Variants in CDH19 observed in about 807,000 individuals in gnomAD.
CDH19 encodes the protein cadherin 19.
CDH19 carries 67 observed loss-of-function variants against 64.2 expected under a neutral mutation model. The ratio of observed to expected loss-of-function variants is 1.04; its 90% CI spans 0.86 to 1.28. The LOEUF (loss-of-function observed/expected upper bound fraction) is 1.28. Among genes scored for constraint, CDH19 ranks in the 50% most tolerant of loss-of-function variants. CDH19 has a pLI of 0.00. For missense variants in CDH19, 1,030 were observed against 929.0 expected, an observed-to-expected ratio of 1.11 and a Z score of -1.41; for synonymous variants, 346 against 319.3, an observed-to-expected ratio of 1.08 and a Z score of -0.89.
intron 9 of CDH19, among the ~76,000 whole-genome samples, chr18:66,520,286 T>C (rs1323102891): frequency 6.7e-6 from 1 of 150,322 alleles, no homozygotes. Context: ...CCTATCTTTT[T>C]TAAACTCTGG....
chr18:66,534,630 T>C (rs1456426929), intron 8 of CDH19, among the ~76,000 whole-genome samples: 1 of 151,970 alleles, frequency 6.6e-6, no homozygotes, highest in Non-Finnish European at 1.5e-5. Context: ...GGATTCATGA[T>C]TTTAAGGACA....
At chr18:66,530,860 C>T (rs1417573381) in intron 8 of CDH19, among the ~76,000 whole-genome samples, 4 of 152,128 alleles carry the variant, frequency 2.6e-5, no homozygotes, top group African/African-American at 9.7e-5. Context: ...TCCCTCCCAT[C>T]CCAGTGTGTC....
chr18:66,548,574 G>A (rs545104035), intron 5 of CDH19, among the ~76,000 whole-genome samples: 1 of 152,172 alleles, frequency 6.6e-6, no homozygotes, highest in South Asian at 2.1e-4. Context: ...GGTTTTCAAG[G>A]AGAAGTTGAT....
chr18:66,559,747 A>G (rs1280240621), intron 3 of CDH19, among the ~76,000 whole-genome samples: 1 of 151,082 alleles, frequency 6.6e-6, no homozygotes, highest in Non-Finnish European at 1.5e-5. Flanking sequence ...TATAATATAT[A>G]TGAAAAGAAA....
intron 1 of CDH19, among the ~76,000 whole-genome samples, chr18:66,591,011 T>C (rs1988728248): frequency 6.6e-6 from 1 of 151,892 alleles, no homozygotes; most frequent in Non-Finnish European, 1.5e-5. Flanking sequence ...TTTTGTAACA[T>C]TAAGTCAATG....
intron 5 of CDH19, among the ~76,000 whole-genome samples, chr18:66,548,371 G>A (rs1987215462): frequency 1.1e-5 from 1 of 88,486 alleles, no homozygotes; most frequent in East Asian, 2.3e-4. Context: ...GAGGTTCTCA[G>A]CCCAGAGGTG....
At chr18:66,568,752 A>C (rs1988004339) in intron 2 of CDH19, 42 bp from the exon 3 acceptor site, 14 of 1,447,746 alleles carry the variant, frequency 9.7e-6, no homozygotes, top group Non-Finnish European at 1.3e-5. Context: ...CAAACATCTG[A>C]AATGGACAAA....
chr18:66,562,497 G>C (rs1987759993), intron 3 of CDH19, among the ~76,000 whole-genome samples: 1 of 151,976 alleles, frequency 6.6e-6, no homozygotes, highest in Non-Finnish European at 1.5e-5. Context: ...ATACAAATGA[G>C]GCTTAGCTCT....
In CDH19 at chr18:66,579,877, T is replaced by A. The variant is rs181245239; in HGVS notation, c.-112-7561A>T. Among the ~76,000 whole-genome samples the A allele has an allele frequency of 1.9e-3, 284 of 152,082 alleles. 1 individual carries two copies. The highest frequency in any genetic ancestry group is 3.5e-3 in the Non-Finnish European group (235 of 67,934). On this transcript the variant is annotated intron_variant, in intron 1 of 11. Coordinates refer to ENST00000262150, the MANE Select transcript of CDH19 (RefSeq NM_021153.4). ...CTTGTTATATAAAAACACGCCCTAT[T>A]TTTAGTCGTGTATACTTGAAGCATA...
At chr18:66,547,134 T>C (rs1438311625) in intron 5 of CDH19, among the ~76,000 whole-genome samples, 1 of 152,060 alleles carries the variant, frequency 6.6e-6, no homozygotes, top group Non-Finnish European at 1.5e-5. Context: ...ATTGCACTAA[T>C]AGAGACGAAA....
At chr18:66,580,835 T>G (rs1304145218) in intron 1 of CDH19, among the ~76,000 whole-genome samples, 2 of 152,166 alleles carry the variant, frequency 1.3e-5, no homozygotes, top group African/African-American at 4.8e-5. Context: ...TGGCTTTGTT[T>G]ATACTCCTCT....
intron 1 of CDH19, among the ~76,000 whole-genome samples, chr18:66,590,633 T>A (rs1988717688): frequency 6.6e-6 from 1 of 151,990 alleles, no homozygotes; most frequent in Admixed American, 6.6e-5. Context: ...GAAATACTGC[T>A]GGTGAACCCC....
At position 66,552,906 on chromosome 18, in the gene CDH19, GT is replaced by G. The variant is rs1987395397; in HGVS notation, c.610+1498del. Among the ~76,000 whole-genome samples, 2 of 133,036 alleles carry G rather than the reference GT, an allele frequency of 1.5e-5. 1 individual carries two copies. Among genetic ancestry groups the G allele is most frequent in the African/African-American group, 7.0e-5 (2 of 28,420 alleles). 87.3% of individuals were successfully genotyped at this position (133,036 alleles called of 152,430 possible). A position where few individuals can be genotyped will look rare whatever the true frequency, so the allele number is the denominator to read the frequency against. ...CTCTCTTCTGCATTTCTCCACACTG[GT>G]GTTCAGTTATTCTAAGAGTTTCAAC... On this transcript the variant is annotated intron_variant, in intron 4 of 11. Coordinates refer to ENST00000262150, the MANE Select transcript of CDH19 (RefSeq NM_021153.4).
chr18:66,559,773 T>A (rs2144541775), intron 3 of CDH19, among the ~76,000 whole-genome samples: 1 of 151,462 alleles, frequency 6.6e-6, no homozygotes, highest in Middle Eastern at 3.5e-3. Flanking sequence ...TATTCAGGAA[T>A]ATCTAAACAA....
chr18:66,552,449 T>C (rs764687126), intron 4 of CDH19, among the ~76,000 whole-genome samples: 8 of 152,074 alleles, frequency 5.3e-5, no homozygotes, highest in Non-Finnish European at 7.4e-5. Context: ...TGAGGGGATT[T>C]TAGTTGCGGA....
chr18:66,594,280 T>C (rs1163804988), intron 1 of CDH19, among the ~76,000 whole-genome samples: 2 of 152,110 alleles, frequency 1.3e-5, no homozygotes, highest in East Asian at 3.9e-4. Flanking sequence ...ATTGAAGACC[T>C]ACGAAGAAAC....
At chr18:66,526,646 T>C (rs1313827749) in intron 9 of CDH19, among the ~76,000 whole-genome samples, 1 of 152,092 alleles carries the variant, frequency 6.6e-6, no homozygotes, top group African/African-American at 2.4e-5. Flanking sequence ...TTAAATGCCT[T>C]GAATATTATC....
Position 66,544,124 on chromosome 18 carries a change from G to A in CDH19, c.1061C>T (p.Thr354Ile), listed in dbSNP as rs1598999215. The A allele has an allele frequency of 1.9e-6, 3 of 1,613,976 alleles. No individual in the cohort carries two copies. Among genetic ancestry groups the A allele is most frequent in the Non-Finnish European group, 2.5e-6 (3 of 1,179,924 alleles). ...QLMKYHTEAS[T>I]TFIKIQVEDV... ...TTCCACCTGGATCTTAATGAAAGTG[G>A]TGGAAGCCTCAGTGTGGTACTTCAT... The change falls in exon 7 of 12, where the codon ACC becomes ATC. Residue 354 changes from threonine to isoleucine, a missense_variant. Coordinates refer to ENST00000262150, the MANE Select transcript of CDH19 (RefSeq NM_021153.4).
intron 5 of CDH19, among the ~76,000 whole-genome samples, chr18:66,545,359 A>C (rs1239666069): frequency 6.6e-6 from 1 of 150,940 alleles, no homozygotes; most frequent in Non-Finnish European, 1.5e-5. Flanking sequence ...ATCTTTCTTT[A>C]TTTGTTCTCT....
Sources: gnomAD v4.1 joint callset for allele counts (sites outside exome capture counted in the v4.1 genomes callset) on GRCh38, gnomAD v4.1.1 for gene constraint, MANE v1.5 for transcripts, NCBI Gene and HGNC (gene_info 2026-07-23, HGNC 2026-07-21) for gene names.